The following ANKS1B variants were observed in gnomAD, a reference collection of about 807,000 sequenced individuals.
ANKS1B encodes ankyrin repeat and sterile alpha motif domain-containing protein 1B.
Under a neutral mutation model 148.3 loss-of-function variants are expected in ANKS1B, and 36 were observed. That is an observed-to-expected ratio of 0.24 (90% CI 0.19 to 0.32). The LOEUF is 0.32. ANKS1B is among the 10% of genes least tolerant of loss of function. ANKS1B has a pLI of 1.00. For missense variants in ANKS1B, 1,157 were observed against 1,542.6 expected, an observed-to-expected ratio of 0.75 and a Z score of 4.19; for synonymous variants, 542 against 560.8, an observed-to-expected ratio of 0.97 and a Z score of 0.47.
chr12:99,446,360 T>C (rs1473202633), intron 10 of ANKS1B, among the ~76,000 whole-genome samples: 1 of 152,114 alleles, frequency 6.6e-6, no homozygotes, highest in Admixed American at 6.6e-5. Flanking sequence ...ATGAGAAATA[T>C]TGAAGACTGA....
intron 8 of ANKS1B, among the ~76,000 whole-genome samples, chr12:99,701,491 C>A (rs1046284087): frequency 1.3e-5 from 2 of 151,978 alleles, no homozygotes; most frequent in African/African-American, 4.8e-5. Flanking sequence ...TCAGGGTAAA[C>A]GAGGTATCCA....
chr12:99,888,000 A>T (rs7967691), intron 1 of ANKS1B, among the ~76,000 whole-genome samples: 49,573 of 152,084 alleles, frequency 0.33, 8,380 homozygotes, highest in African/African-American at 0.4. Flanking sequence ...AAATAGTGAA[A>T]AACAGCATAT....
intron 15 of ANKS1B, among the ~76,000 whole-genome samples, chr12:99,124,898 G>A (rs551005296): frequency 1.2e-3 from 179 of 152,284 alleles, no homozygotes; most frequent in African/African-American, 4.1e-3. Context: ...GACAAATTCG[G>A]CAATGGGAAA....
chr12:98,962,936 C>T (rs183141185), intron 17 of ANKS1B, among the ~76,000 whole-genome samples: 1 of 152,262 alleles, frequency 6.6e-6, no homozygotes, highest in East Asian at 1.9e-4. Context: ...CTACGGGATA[C>T]AGCGAAGCCA....
At chr12:98,832,662 G>A (rs1340068860) in intron 17 of ANKS1B, among the ~76,000 whole-genome samples, 1 of 152,062 alleles carries the variant, frequency 6.6e-6, no homozygotes, top group Non-Finnish European at 1.5e-5. Flanking sequence ...ACTTCTCATG[G>A]TTCTGGACAC....
chr12:99,221,692 T>C lies in ANKS1B; in HGVS notation c.2419+22650A>G. 1.3e-5 allele frequency among the ~76,000 whole-genome samples: 2 copies of C among 152,220 alleles called. 1 individual carries two copies. The highest frequency in any genetic ancestry group is 2.9e-5 in the Non-Finnish European group (2 of 68,050). On this transcript the variant is annotated intron_variant, in intron 14 of 26. Coordinates refer to ENST00000683438, the MANE Select transcript of ANKS1B (RefSeq NM_001352186.2). ...AAAATTTGATAATATGCTATATTGG[T>C]CAGGACATAACAAACTTTTCCTTAT...
At chr12:99,532,050 T>C (rs897086592) in intron 9 of ANKS1B, among the ~76,000 whole-genome samples, 34 of 152,292 alleles carry the variant, frequency 2.2e-4, no homozygotes, top group Non-Finnish European at 4.0e-4. Flanking sequence ...ATTGTTTTTT[T>C]TTTTCTTGCT....
At chr12:98,963,861 A>G (rs1020253192) in intron 17 of ANKS1B, among the ~76,000 whole-genome samples, 4 of 152,144 alleles carry the variant, frequency 2.6e-5, no homozygotes, top group African/African-American at 9.7e-5. Context: ...GCACTTTGGG[A>G]GGCCGAAGCA....
intron 12 of ANKS1B, among the ~76,000 whole-genome samples, chr12:99,301,065 G>A (rs2081531385): frequency 6.6e-6 from 1 of 152,130 alleles, no homozygotes; most frequent in Non-Finnish European, 1.5e-5. Context: ...GTGTAAGTCC[G>A]AGAGTCCAAA....
chr12:98,864,633 T>C (rs116668167), intron 17 of ANKS1B, among the ~76,000 whole-genome samples: 148 of 152,322 alleles, frequency 9.7e-4, no homozygotes, highest in African/African-American at 3.2e-3. Context: ...CTGCAGATTC[T>C]GGACTTGCCA....
intron 8 of ANKS1B, among the ~76,000 whole-genome samples, chr12:99,702,671 T>C (rs964011792): frequency 6.6e-6 from 1 of 150,568 alleles, no homozygotes; most frequent in Admixed American, 6.7e-5. Flanking sequence ...GCCTCCCAAG[T>C]AGCTGGGACC....
intron 17 of ANKS1B, among the ~76,000 whole-genome samples, chr12:99,034,324 ATT>A (rs369832861): frequency 6.8e-6 from 1 of 148,132 alleles, no homozygotes; most frequent in Non-Finnish European, 1.5e-5. Flanking sequence ...TAATTATTTT[ATT>A]TTTTTTTTTG....
At chr12:99,916,329 A>G (rs2094169909) in intron 1 of ANKS1B, among the ~76,000 whole-genome samples, 1 of 152,198 alleles carries the variant, frequency 6.6e-6, no homozygotes, top group African/African-American at 2.4e-5. Flanking sequence ...TTTCAGGGCT[A>G]TTGGATATAG....
intron 9 of ANKS1B, among the ~76,000 whole-genome samples, chr12:99,550,772 A>G (rs2097210704): frequency 6.6e-6 from 1 of 152,130 alleles, no homozygotes; most frequent in East Asian, 1.9e-4. Context: ...AACTAACCCC[A>G]TGTGTATAGG....
intron 1 of ANKS1B, among the ~76,000 whole-genome samples, chr12:99,974,319 C>A (rs574302926): frequency 2.0e-3 from 298 of 152,218 alleles, no homozygotes; most frequent in Middle Eastern, 3.4e-3. Flanking sequence ...ACTGGATAAC[C>A]AAAAATTTTG....
chr12:99,893,587 C>T (rs2093234132), intron 1 of ANKS1B, among the ~76,000 whole-genome samples: 1 of 151,814 alleles, frequency 6.6e-6, no homozygotes, highest in Admixed American at 6.6e-5. Flanking sequence ...AGAAACTATG[C>T]CAAAAAAGAA....
chr12:99,218,738 TAAC>T (rs2084630587), intron 14 of ANKS1B, among the ~76,000 whole-genome samples: 1 of 152,136 alleles, frequency 6.6e-6, no homozygotes, highest in Non-Finnish European at 1.5e-5. Context: ...AAAGTGGGAG[TAAC>T]ACCTACCTCA....
At chr12:98,740,989 A>G (rs2097795765), downstream of ANKS1B, among the ~76,000 whole-genome samples, 2 of 152,242 alleles carry the variant, frequency 1.3e-5, no homozygotes, top group African/African-American at 4.8e-5. Context: ...AGGATGGCAG[A>G]GTAGAAATAT....
intron 16 of ANKS1B, among the ~76,000 whole-genome samples, chr12:99,059,354 A>G (rs929857962): frequency 6.6e-6 from 1 of 152,202 alleles, no homozygotes; most frequent in Non-Finnish European, 1.5e-5. Flanking sequence ...GACTTAATGA[A>G]TACATGAAGA....
Sources: allele counts gnomAD v4.1 joint callset (sites outside exome capture counted in the v4.1 genomes callset), GRCh38; gene constraint gnomAD v4.1.1; transcripts MANE v1.5; gene names NCBI Gene and HGNC (gene_info 2026-07-23, HGNC 2026-07-21).